AACS: variants seen among roughly 807,000 people sequenced by gnomAD.
The protein encoded by AACS is acetoacetate-CoA ligase.
In AACS, 69 loss-of-function variants were observed where a neutral mutation model predicts 83.1. The ratio of observed to expected loss-of-function variants is 0.83; its 90% confidence interval spans 0.68 to 1.01. AACS has a LOEUF of 1.01. Ranked by LOEUF, AACS falls within the 50% of genes least tolerant of loss-of-function variation. AACS has a pLI of 0.00. For synonymous variants in AACS, 333 were observed against 343.4 expected, an observed-to-expected ratio of 0.97 and a Z score of 0.33; for missense variants, 866 against 882.2, an observed-to-expected ratio of 0.98 and a Z score of 0.23.
chr12:125,085,852 G>GT, intron 3 of AACS, among the ~76,000 whole-genome samples: 1 of 152,280 alleles, frequency 6.6e-6, no homozygotes, highest in East Asian at 1.9e-4. Flanking sequence ...TTCTTGCACT[G>GT]TTGCTCAGGC....
chr12:125,103,645 T>G (rs1956766041), intron 7 of AACS, among the ~76,000 whole-genome samples: 1 of 152,176 alleles, frequency 6.6e-6, no homozygotes, highest in African/African-American at 2.4e-5. Flanking sequence ...TTTTCTGACA[T>G]TTGTAGAAGA....
In AACS at chr12:125,129,338, A is replaced by C. The variant is rs751806729; in HGVS notation, c.1427A>C (p.Lys476Thr). 3.7e-6 allele frequency: 6 copies of C among 1,612,108 alleles called. No individual in the cohort carries two copies. The highest frequency in any genetic ancestry group is 5.1e-6 in the Non-Finnish European group (6 of 1,179,450). Residue 476 changes from lysine to threonine, a missense_variant, in exon 14 of 18, where the codon AAG becomes ACG. By Grantham distance (78) the Lys-to-Thr change is moderately conservative. Coordinates refer to ENST00000316519, the MANE Select transcript of AACS (RefSeq NM_023928.5). The surrounding 1 kb of genome is among the most constrained non-coding windows in gnomAD (Gnocchi z 4.3). ...ATTTTTAATTCTCCCATACCAGGAA[A>C]GGCGGTCTGGGGAGAGAGCGGCGAG... ...MAVEAWNEEG[K>T]AVWGESGELV...
chr12:125,095,230 T>C (rs1031661417), intron 5 of AACS, among the ~76,000 whole-genome samples: 1 of 152,150 alleles, frequency 6.6e-6, no homozygotes, highest in Admixed American at 6.5e-5. Context: ...ACAGCTGGTT[T>C]TGGATGCTCG....
chr12:125,137,919 C>G (rs2136143442), intron 17 of AACS, among the ~76,000 whole-genome samples: 1 of 152,314 alleles, frequency 6.6e-6, no homozygotes. Flanking sequence ...TGAGGTGTAA[C>G]TAGAGACAGG....
chr12:125,133,667 C>T (rs1004393872), intron 14 of AACS, among the ~76,000 whole-genome samples: 1 of 152,242 alleles, frequency 6.6e-6, no homozygotes, highest in African/African-American at 2.4e-5. Context: ...TTATTCTTTC[C>T]TGTGCTACAC....
chr12:125,076,040 C>A (rs1227454206), intron 2 of AACS, among the ~76,000 whole-genome samples: 1 of 152,172 alleles, frequency 6.6e-6, no homozygotes, highest in Non-Finnish European at 1.5e-5. Flanking sequence ...AAATGTTGAT[C>A]TTTTGGGACT....
chr12:125,106,959 G>C (rs1956845969), intron 7 of AACS, among the ~76,000 whole-genome samples, 162 bp from the exon 8 acceptor site: 1 of 152,168 alleles, frequency 6.6e-6, no homozygotes, highest in African/African-American at 2.4e-5. Flanking sequence ...AGATCTAACT[G>C]CCTCCCCTGG....
At chr12:125,073,591 C>T (rs2136036418) in intron 1 of AACS, among the ~76,000 whole-genome samples, 1 of 152,302 alleles carries the variant, frequency 6.6e-6, no homozygotes. Flanking sequence ...AGGATTTGAA[C>T]CCGGGCATTT....
chr12:125,128,050 T>C, intron 12 of AACS, 111 bp from the exon 13 acceptor site: 2 of 700,036 alleles, frequency 2.9e-6, no homozygotes, highest in Non-Finnish European at 4.7e-6. Context: ...AGTGTTTGTC[T>C]GGGAGAGTAG....
At chr12:125,133,033 A>C (rs1045881051) in intron 14 of AACS, among the ~76,000 whole-genome samples, 1 of 152,206 alleles carries the variant, frequency 6.6e-6, no homozygotes, top group African/African-American at 2.4e-5. Flanking sequence ...CCCGGATCGC[A>C]GGAAATCTTC....
chr12:125,082,157 C>T (rs992864769), intron 3 of AACS, among the ~76,000 whole-genome samples: 3 of 142,474 alleles, frequency 2.1e-5, no homozygotes, highest in Non-Finnish European at 4.5e-5. Context: ...GCATGAGCCA[C>T]TGCGCCCAGC....
intron 16 of AACS, among the ~76,000 whole-genome samples, chr12:125,135,347 G>A (rs1390667883): frequency 1.3e-5 from 2 of 151,992 alleles, no homozygotes; most frequent in Admixed American, 6.6e-5. Context: ...CGCCTGCCTC[G>A]GCCTCCCAAA....
chr12:125,118,735 A>T lies in AACS; in HGVS notation c.1091A>T (p.Asn364Ile), dbSNP rs373491989. ...GGCTCCCCCCTGGTGCCCACGCCCA[A>T]TGTGCTCTGGGACCTGGTTGACAGG... Reference protein sequence around the residue: ...YDGSPLVPTPNVLWDLVDRIG... With the variant: ...YDGSPLVPTPIVLWDLVDRIG... Residue 364 changes from asparagine to isoleucine, a missense_variant, in exon 10 of 18, where the codon AAT becomes ATT. Transcript: ENST00000316519. The T allele has an allele frequency of 8.1e-6, 13 of 1,614,002 alleles. No homozygotes were observed. Among genetic ancestry groups the T allele is most frequent in the Non-Finnish European group, 1.1e-5 (13 of 1,180,004 alleles).
At chr12:125,128,038 G>T in intron 12 of AACS, 123 bp from the exon 13 acceptor site, 1 of 621,424 alleles carries the variant, frequency 1.6e-6, no homozygotes, top group Non-Finnish European at 2.7e-6. Flanking sequence ...CTGGGATGTT[G>T]CAGTGTTTGT....
intron 1 of AACS, 34 bp downstream of exon 1, chr12:125,065,751 G>A: frequency 6.6e-7 from 1 of 1,503,876 alleles, no homozygotes; most frequent in Non-Finnish European, 8.9e-7. Flanking sequence ...GCCTGCGGGG[G>A]ATGGGCGGGA....
At chr12:125,124,291 G>C (rs1275189706) in intron 10 of AACS, 1 of 165,706 alleles carries the variant, frequency 6.0e-6, no homozygotes, top group Non-Finnish European at 1.3e-5. Context: ...AGGAGACCCT[G>C]TCTAAAATAA....
intron 1 of AACS, among the ~76,000 whole-genome samples, chr12:125,071,390 CCA>C (rs2136031120): frequency 6.6e-6 from 1 of 152,286 alleles, no homozygotes; most frequent in African/African-American, 2.4e-5. Context: ...TGGCTGATGA[CCA>C]CAGTCAGGTA....
chr12:125,070,980 T>C (rs1955845811), intron 1 of AACS, among the ~76,000 whole-genome samples: 2 of 152,246 alleles, frequency 1.3e-5, no homozygotes, highest in African/African-American at 2.4e-5. Context: ...AGTTAGCGAC[T>C]TAAAACAAGA....
chr12:125,131,868 A>G (rs1253581043), intron 14 of AACS, among the ~76,000 whole-genome samples: 1 of 152,248 alleles, frequency 6.6e-6, no homozygotes, highest in East Asian at 1.9e-4. Context: ...AAGTGCTGGG[A>G]TTACAGGCGT....
Sources: gnomAD v4.1 joint callset for allele counts (sites outside exome capture counted in the v4.1 genomes callset) on GRCh38, gnomAD v4.1.1 for gene constraint, Gnocchi (gnomAD v3.1) non-coding constraint, MANE v1.5 for transcripts, NCBI Gene and HGNC (gene_info 2026-07-23, HGNC 2026-07-21) for gene names.